Variants in ARIH2 observed in about 807,000 individuals in gnomAD.
The protein encoded by ARIH2 is E3 ubiquitin-protein ligase ARIH2.
Under a neutral mutation model 79.8 loss-of-function variants are expected in ARIH2, and 12 were observed. The ratio of observed to expected loss-of-function variants is 0.15; its 90% confidence interval spans 0.10 to 0.24. The LOEUF (loss-of-function observed/expected upper bound fraction) is 0.24, where lower values mean the gene tolerates loss of function less well. Among genes scored for constraint, ARIH2 ranks in the 10% least tolerant of loss-of-function variants. ARIH2 has a pLI of 1.00. For missense variants in ARIH2, 301 were observed against 618.3 expected (o/e 0.49, Z 5.44); for synonymous variants, 224 against 213.9 (o/e 1.05, Z -0.41).
chr3:48,976,726 A>C (rs1045666386), intron 11 of ARIH2, among the ~76,000 whole-genome samples: 1 of 152,216 alleles, frequency 6.6e-6, no homozygotes, highest in African/African-American at 2.4e-5. Context: ...AATGACAAAC[A>C]TCCCAGCACC....
intron 3 of ARIH2, among the ~76,000 whole-genome samples, chr3:48,956,015 G>GC (rs2090527988): frequency 6.6e-6 from 1 of 152,204 alleles, no homozygotes; most frequent in Admixed American, 6.5e-5. Flanking sequence ...TGGATGAGGT[G>GC]CAGTGACACT....
In ARIH2 at chr3:48,918,889, G is replaced by A. The variant is rs764048126; in HGVS notation, c.-271G>A. 2 of 1,605,090 alleles carry A rather than the reference G, an allele frequency of 1.2e-6. No homozygotes were observed. The highest frequency in any genetic ancestry group is 1.3e-5 in the African/African-American group (1 of 75,014). On this transcript the variant is annotated 5_prime_UTR_variant, in exon 1 of 16. Coordinates refer to ENST00000356401, the MANE Select transcript of ARIH2 (RefSeq NM_006321.4). ...TGGAGGAAGCAGCGCGGGCTTGACCGGCGTCGGCCCGCCGCCTCCGCTGCC... is the reference window on the plus strand; with the variant it reads ...TGGAGGAAGCAGCGCGGGCTTGACCAGCGTCGGCCCGCCGCCTCCGCTGCC...
At position 48,965,081 on chromosome 3, in the gene ARIH2, G is replaced by A. The variant is rs549551501; in HGVS notation, c.387+99G>A. 403 of 1,170,500 alleles carry A rather than the reference G, an allele frequency of 3.4e-4. 3 individuals carry two copies. Among genetic ancestry groups the A allele is most frequent in the African/African-American group, 3.4e-3 (221 of 65,534 alleles). 72.5% of individuals were successfully genotyped at this position (1,170,500 alleles called of 1,614,324 possible). A position where few individuals can be genotyped will look rare whatever the true frequency, so the allele number is the denominator to read the frequency against. Reference sequence around the variant, plus strand: ...GAGCTATCTTTACTTGGCTGGGTGCGGTGTGGCTCACGCCTGTAATCCCAG... The same window carrying A: ...GAGCTATCTTTACTTGGCTGGGTGCAGTGTGGCTCACGCCTGTAATCCCAG... On this transcript the variant is annotated intron_variant, in intron 5 of 15. Coordinates refer to ENST00000356401, the MANE Select transcript of ARIH2 (RefSeq NM_006321.4).
At chr3:48,941,588 C>A (rs988911450) in intron 3 of ARIH2, among the ~76,000 whole-genome samples, 2 of 147,522 alleles carry the variant, frequency 1.4e-5, no homozygotes, top group African/African-American at 5.0e-5. Context: ...TTTTTCTTTT[C>A]TTTTCTTTTT....
chr3:48,948,294 G>GT (rs1220748489), intron 3 of ARIH2, among the ~76,000 whole-genome samples: 1 of 150,772 alleles, frequency 6.6e-6, no homozygotes, highest in Non-Finnish European at 1.5e-5. Context: ...TTGAGACGGA[G>GT]TTTTGCTCTT....
At chr3:48,923,437 A>G (rs1008358750) in intron 2 of ARIH2, among the ~76,000 whole-genome samples, 2 of 149,872 alleles carry the variant, frequency 1.3e-5, no homozygotes, top group East Asian at 3.9e-4. Context: ...CATTATTTTT[A>G]TTGCCCCACA....
intron 8 of ARIH2, 82 bp from the exon 9 acceptor site, chr3:48,973,617 G>T: frequency 6.2e-4 from 468 of 756,840 alleles, no homozygotes; most frequent in Non-Finnish European, 9.0e-4. Flanking sequence ...TTCATGATTT[G>T]TTGGCTTGGA....
intron 3 of ARIH2, among the ~76,000 whole-genome samples, chr3:48,951,155 G>T (rs1163367398): frequency 1.3e-5 from 2 of 151,580 alleles, no homozygotes; most frequent in Non-Finnish European, 2.9e-5. Flanking sequence ...GTAGAGACAG[G>T]GTTTTGCCAT....
intron 3 of ARIH2, among the ~76,000 whole-genome samples, chr3:48,941,578 TTTTTCTTTTC>T (rs1237498309): frequency 6.6e-6 from 1 of 151,850 alleles, no homozygotes. Context: ...GAACTATTGA[TTTTTCTTTTC>T]TTTTCTTTTT....
At chr3:48,946,934 C>G (rs757992763) in intron 3 of ARIH2, among the ~76,000 whole-genome samples, 8 of 152,162 alleles carry the variant, frequency 5.3e-5, no homozygotes, top group Non-Finnish European at 1.2e-4. Flanking sequence ...ACTTTCCTTC[C>G]CTAGCTCCCG....
intron 3 of ARIH2, among the ~76,000 whole-genome samples, chr3:48,954,422 G>GT (rs1301146524): frequency 6.6e-6 from 1 of 151,686 alleles, no homozygotes; most frequent in African/African-American, 2.4e-5. Context: ...GAGCAACAGA[G>GT]TGAGACTCTG....
chr3:48,969,035 C>A (rs1222868442), intron 7 of ARIH2, among the ~76,000 whole-genome samples: 12 of 152,146 alleles, frequency 7.9e-5, no homozygotes, highest in Admixed American at 7.9e-4. Context: ...AGGCATGCAC[C>A]ACCACTCGCA....
chr3:48,949,861 C>T (rs2089723777), intron 3 of ARIH2, among the ~76,000 whole-genome samples: 1 of 151,276 alleles, frequency 6.6e-6, no homozygotes, highest in African/African-American at 2.4e-5. Flanking sequence ...GTTCTGCTTC[C>T]TACTTTTCCA....
At chr3:48,923,063 C>T (rs1321662415) in intron 2 of ARIH2, among the ~76,000 whole-genome samples, 3 of 151,856 alleles carry the variant, frequency 2.0e-5, no homozygotes, top group East Asian at 3.9e-4. Flanking sequence ...AAAAATTAGC[C>T]GGGCGTAGTG....
At chr3:48,951,313 G>T (rs2089925442) in intron 3 of ARIH2, among the ~76,000 whole-genome samples, 2 of 151,628 alleles carry the variant, frequency 1.3e-5, no homozygotes, top group Admixed American at 1.3e-4. Context: ...ATTTATTAGT[G>T]TTTTTTTTCC....
At chr3:48,926,863 A>T (rs576780456) in intron 2 of ARIH2, 1 of 152,686 alleles carries the variant, frequency 6.5e-6, no homozygotes, top group African/African-American at 2.4e-5. Flanking sequence ...AGAACTCTTT[A>T]AACCTGAAAA....
At chr3:48,950,107 T>C (rs547729327) in intron 3 of ARIH2, among the ~76,000 whole-genome samples, 2 of 152,306 alleles carry the variant, frequency 1.3e-5, no homozygotes, top group Non-Finnish European at 2.9e-5. Context: ...TTGTGTGGTA[T>C]GAAGTAATGG....
At chr3:48,976,902 T>G (rs2092533166) in intron 11 of ARIH2, among the ~76,000 whole-genome samples, 1 of 146,108 alleles carries the variant, frequency 6.8e-6, no homozygotes, top group Non-Finnish European at 1.5e-5. Flanking sequence ...AGACTCTGTC[T>G]CAAAAAAAAA....
At position 48,985,901 on chromosome 3, in the gene ARIH2, G is replaced by GA. The variant is rs1193366751; in HGVS notation, c.*2633dup. The stretch of plus-strand genomic sequence containing the variant: ...CCGGACCCCTCCAAAGCAGACATGG[G>GA]AATGTAGGGCTGTGGAATATGGCAG... On this transcript the variant is annotated 3_prime_UTR_variant, in exon 16 of 16. Coordinates refer to ENST00000356401, the MANE Select transcript of ARIH2 (RefSeq NM_006321.4). The GA allele has an allele frequency of 6.6e-6, 1 of 152,246 alleles. No homozygotes were observed. The highest frequency in any genetic ancestry group is 2.4e-5 in the African/African-American group (1 of 41,446). The allele number at this position is 152,246 out of a possible 1,614,324, so 9.4% of individuals were successfully genotyped here. A position where few individuals can be genotyped will look rare whatever the true frequency, so the allele number is the denominator to read the frequency against.
Sources: allele counts gnomAD v4.1 joint callset (sites outside exome capture counted in the v4.1 genomes callset), GRCh38; gene constraint gnomAD v4.1.1; transcripts MANE v1.5; gene names NCBI Gene and HGNC (gene_info 2026-07-23, HGNC 2026-07-21).